The following NSD2 variants were observed in gnomAD, a reference collection of about 807,000 sequenced individuals.
NSD2 encodes nuclear receptor binding SET domain protein 2.
A neutral mutation model predicts 139.0 loss-of-function variants in NSD2; 12 were observed. The observed-to-expected ratio is 0.09, with a 90% CI of 0.06 to 0.14. NSD2 has a LOEUF of 0.14. NSD2 is among the 10% of genes least tolerant of loss of function. NSD2 has a pLI of 1.00. For missense variants in NSD2, 1,155 were observed against 1,745.0 expected, an observed-to-expected ratio of 0.66 and a Z score of 6.02; for synonymous variants, 669 against 648.7, an observed-to-expected ratio of 1.03 and a Z score of -0.48.
intron 20 of NSD2, among the ~76,000 whole-genome samples, chr4:1,975,837 A>C (rs1025308629): frequency 6.6e-6 from 1 of 152,146 alleles, no homozygotes; most frequent in Non-Finnish European, 1.5e-5. Flanking sequence ...CTGTTGACTT[A>C]GCGCCTGCCC....
chr4:1,903,684 CTGTGTGCTA>C (rs1018453730), intron 2 of NSD2, among the ~76,000 whole-genome samples: 1 of 151,812 alleles, frequency 6.6e-6, no homozygotes, highest in African/African-American at 2.4e-5. Context: ...TGAACACCTG[CTGTGTGCTA>C]TGCACTGTCC....
chr4:1,938,857 G>A (rs1265432629), intron 8 of NSD2, among the ~76,000 whole-genome samples: 3 of 152,066 alleles, frequency 2.0e-5, no homozygotes, highest in East Asian at 1.9e-4. Context: ...TTACTTGATG[G>A]TGCCAGTTGC....
rs766849084 is a variant in NSD2 at position 1,935,153 on chromosome 4, A to G, written c.1565A>G (p.Asn522Ser). 4 of 1,610,056 alleles carry G rather than the reference A, an allele frequency of 2.5e-6. No homozygotes were observed. The highest frequency in any genetic ancestry group is 3.4e-6 in the Non-Finnish European group (4 of 1,178,066). Residue 522 changes from asparagine to serine, a missense_variant, in exon 7 of 22, where the codon AAT (asparagine) becomes AGT (serine). Asn to Ser is a conservative substitution (Grantham distance 46, BLOSUM62 1). This residue lies in a region of NSD2 where 420 missense variants were observed against 469.0 expected (regional missense o/e 0.90). Transcript: ENST00000508803. Reference protein sequence around the residue: ...VQAEEDSGNVNGKKRNHTKRI... With the variant: ...VQAEEDSGNVSGKKRNHTKRI... ...CATTCCCCATTCCAAGGTAATGTAA[A>G]TGGGAAAAAAAGAAACCACACAAAG...
intron 11 of NSD2, 115 bp downstream of exon 11, chr4:1,952,346 C>G: frequency 2.0e-6 from 3 of 1,466,156 alleles, no homozygotes; most frequent in Non-Finnish European, 2.8e-6. Context: ...TCCCCACCCC[C>G]ACCGCCTGGC....
At chr4:1,913,918 G>A (rs948789634) in intron 3 of NSD2, among the ~76,000 whole-genome samples, 1 of 152,122 alleles carries the variant, frequency 6.6e-6, no homozygotes, top group African/African-American at 2.4e-5. Flanking sequence ...ACAGTTCTAT[G>A]CTGTGTTCTT....
rs773691968 is a variant in NSD2 at position 1,959,682 on chromosome 4, A to G, written c.3197A>G (p.Lys1066Arg). 1.2e-6 allele frequency: 2 copies of G among 1,614,008 alleles called. No homozygotes were observed. Among genetic ancestry groups the G allele is most frequent in the African/African-American group, 2.7e-5 (2 of 74,906 alleles). Reference protein sequence around the residue: ...CFTKRQYPETKIIKTDGKGWG... With the variant: ...CFTKRQYPETRIIKTDGKGWG... ...ACCAAGCGCCAGTACCCAGAGACCAAGATCATCAAGACAGATGGCAAAGGG... is the reference window on the plus strand; with the variant it reads ...ACCAAGCGCCAGTACCCAGAGACCAGGATCATCAAGACAGATGGCAAAGGG... Residue 1066 changes from lysine to arginine, a missense_variant, in exon 17 of 22, where the codon AAG becomes AGG. Around this residue, in one of 8 missense-constraint regions of NSD2, gnomAD observed 139 missense variants for 485.8 expected, o/e 0.29. Transcript: ENST00000508803.
chr4:1,980,122 G>T lies in NSD2; in HGVS notation c.*1213G>T. ...GGGGGTGGAGGCCTGCCTGGCAGGTGTGCGTGCCTCGTACGTGTGTTATGG... is the reference window on the plus strand; with the variant it reads ...GGGGGTGGAGGCCTGCCTGGCAGGTTTGCGTGCCTCGTACGTGTGTTATGG... On this transcript the variant is annotated 3_prime_UTR_variant, in exon 22 of 22. Transcript: ENST00000508803. 1 of 233,462 alleles carries T rather than the reference G, an allele frequency of 4.3e-6. No homozygotes were observed. Among genetic ancestry groups the T allele is most frequent in the Middle Eastern group, 1.3e-3 (1 of 788 alleles). The allele number at this position is 233,462 out of a possible 1,614,324, so 14.5% of individuals were successfully genotyped here. A position where few individuals can be genotyped will look rare whatever the true frequency, so the allele number is the denominator to read the frequency against.
intron 11 of NSD2, 118 bp downstream of exon 11, chr4:1,952,349 C>A: frequency 1.4e-6 from 2 of 1,448,638 alleles, no homozygotes; most frequent in Non-Finnish European, 1.9e-6. Context: ...CCACCCCCAC[C>A]GCCTGGCCCT....
chr4:1,907,763 C>T (rs1376039258), intron 3 of NSD2, among the ~76,000 whole-genome samples: 1 of 152,012 alleles, frequency 6.6e-6, no homozygotes, highest in Non-Finnish European at 1.5e-5. Flanking sequence ...CAGGTGCACG[C>T]CACCACACCC....
intron 1 of NSD2, among the ~76,000 whole-genome samples, chr4:1,895,206 T>C (rs1373107541): frequency 1.3e-5 from 2 of 152,256 alleles, no homozygotes; most frequent in Non-Finnish European, 2.9e-5. Context: ...GTCTACCTTT[T>C]GGCTACTGTA....
chr4:1,890,385 G>A (rs1469883068), intron 1 of NSD2, among the ~76,000 whole-genome samples: 2 of 151,220 alleles, frequency 1.3e-5, no homozygotes, highest in African/African-American at 4.9e-5. Flanking sequence ...TGCAAGCTCC[G>A]CCTCCCGGGT....
At chr4:1,961,738 G>A (rs150590734) in intron 18 of NSD2, among the ~76,000 whole-genome samples, 203 of 152,332 alleles carry the variant, frequency 1.3e-3, no homozygotes, top group African/African-American at 4.4e-3. Flanking sequence ...AATCCTGACA[G>A]GTGTTGCCGG....
chr4:1,940,451 C>T (rs1722969295), intron 9 of NSD2: 1 of 1,063,412 alleles, frequency 9.4e-7, no homozygotes, highest in Admixed American at 5.4e-5. Flanking sequence ...ATTATCAAAC[C>T]TAAATTTTTT....
intron 1 of NSD2, among the ~76,000 whole-genome samples, 172 bp downstream of exon 1, chr4:1,871,714 G>A (rs1312796733): frequency 6.7e-6 from 1 of 149,542 alleles, no homozygotes; most frequent in Non-Finnish European, 1.5e-5. Context: ...CGGCTCAGGG[G>A]CTGGGGGACC....
At chr4:1,903,276 G>A (rs1717430539) in intron 2 of NSD2, among the ~76,000 whole-genome samples, 1 of 152,226 alleles carries the variant, frequency 6.6e-6, no homozygotes, top group Non-Finnish European at 1.5e-5. Flanking sequence ...TTGGGGCCAT[G>A]CTGGCTGTGC....
At chr4:1,911,188 T>G (rs1194094920) in intron 3 of NSD2, among the ~76,000 whole-genome samples, 1 of 152,126 alleles carries the variant, frequency 6.6e-6, no homozygotes, top group Non-Finnish European at 1.5e-5. Flanking sequence ...CAAAATTAGG[T>G]ACCAGGACTG....
chr4:1,907,810 A>G (rs1718133559), intron 3 of NSD2, among the ~76,000 whole-genome samples: 1 of 151,804 alleles, frequency 6.6e-6, no homozygotes, highest in Non-Finnish European at 1.5e-5. Context: ...ATGGGGTTTC[A>G]CCATGTTGGC....
chr4:1,959,952 C>A (rs1288887599), intron 17 of NSD2, among the ~76,000 whole-genome samples: 1 of 152,096 alleles, frequency 6.6e-6, no homozygotes, highest in East Asian at 1.9e-4. Flanking sequence ...CCTCAGAATC[C>A]TGGGCTCAAG....
chr4:1,970,628 C>T (rs937419108), intron 18 of NSD2, among the ~76,000 whole-genome samples: 13 of 152,240 alleles, frequency 8.5e-5, no homozygotes, highest in African/African-American at 2.4e-4. Context: ...GAGCCAGAGC[C>T]GCTGAGTCAG....
Sources: gnomAD v4.1 joint callset for allele counts (sites outside exome capture counted in the v4.1 genomes callset) on GRCh38, gnomAD v4.1.1 for gene constraint, gnomAD v4.1.1 regional missense constraint, MANE v1.5 for transcripts, NCBI Gene and HGNC (gene_info 2026-07-23, HGNC 2026-07-21) for gene names.